The following LARS2 variants were observed in gnomAD, a reference collection of about 807,000 sequenced individuals.
LARS2 encodes the protein leucyl-tRNA synthetase 2, mitochondrial.
LARS2 carries 81 observed loss-of-function variants against 116.6 expected under a neutral mutation model. That is an observed-to-expected ratio of 0.69 (90% CI 0.58 to 0.84). LARS2 has a LOEUF of 0.84. LARS2 is among the 40% of genes least tolerant of loss of function. The pLI is 0.00. For synonymous variants in LARS2, 396 were observed against 407.2 expected (o/e 0.97, Z 0.33); for missense variants, 968 against 1,114.5 (o/e 0.87, Z 1.87).
At chr3:45,489,514 G>A (rs1266110969) in intron 12 of LARS2, among the ~76,000 whole-genome samples, 1 of 147,726 alleles carries the variant, frequency 6.8e-6, no homozygotes, top group Non-Finnish European at 1.5e-5. Flanking sequence ...CGAGTTTCCA[G>A]ATACTGCTGC....
chr3:45,442,033 A>T (rs1698921623), intron 6 of LARS2, among the ~76,000 whole-genome samples: 1 of 152,176 alleles, frequency 6.6e-6, no homozygotes, highest in Admixed American at 6.5e-5. Flanking sequence ...ATAAAAGTTG[A>T]CACTTTTATG....
intron 2 of LARS2, among the ~76,000 whole-genome samples, chr3:45,393,344 A>G (rs1697989693): frequency 6.6e-6 from 1 of 152,072 alleles, no homozygotes; most frequent in African/African-American, 2.4e-5. Flanking sequence ...TGGGAGGCCA[A>G]GGTGGGTGGA....
Position 45,531,376 on chromosome 3 carries a change from T to A in LARS2, c.2404+7268T>A, listed in dbSNP as rs572722717. 9.2e-5 allele frequency among the ~76,000 whole-genome samples: 14 copies of A among 152,222 alleles called. No individual in the cohort carries two copies. In the East Asian group the frequency reaches 1.3e-3, roughly 15 times the overall value. ...ATTTTTTAAATCTTTTAAATTTTTTTAAATTTATTTTTATTTTTTGAGGCA... is the reference window on the plus strand; with the variant it reads ...ATTTTTTAAATCTTTTAAATTTTTTAAAATTTATTTTTATTTTTTGAGGCA... On this transcript the variant is annotated intron_variant, in intron 20 of 21. Transcript: ENST00000645846.
At chr3:45,418,017 C>T (rs1698458175) in intron 5 of LARS2, among the ~76,000 whole-genome samples, 1 of 152,202 alleles carries the variant, frequency 6.6e-6, no homozygotes, top group South Asian at 2.1e-4. Context: ...CTTAGGCATT[C>T]CATGTAGAAA....
chr3:45,482,511 A>G (rs189896462), intron 10 of LARS2, among the ~76,000 whole-genome samples: 18 of 152,356 alleles, frequency 1.2e-4, no homozygotes, highest in African/African-American at 4.1e-4. Flanking sequence ...CAACTTCACA[A>G]ACATTAGTGT....
In LARS2 at chr3:45,491,637, T is replaced by TG. The variant is rs1699917457; in HGVS notation, c.1360_1361insG (p.Tyr454Ter). ...LKDWLISRQR[Y>*]WGTPIPIVHC... ...AGACTGGCTGATTTCACGGCAGCGG[T>TG]ACTGGGGCACACCAATCCCCATTGT... The change falls in exon 13 of 22, where the codon TAC becomes TGAC. Residue 454 changes from tyrosine to a stop codon, truncating the protein, a stop_gained and frameshift_variant. Coordinates refer to ENST00000645846, the MANE Select transcript of LARS2 (RefSeq NM_015340.4). LOFTEE classifies it high-confidence loss of function. 2 of 1,614,196 alleles carry TG rather than the reference T, an allele frequency of 1.2e-6. No individual in the cohort carries two copies. The highest frequency in any genetic ancestry group is 1.7e-6 in the Non-Finnish European group (2 of 1,180,034).
chr3:45,503,562 A>G (rs1400175763), intron 15 of LARS2, among the ~76,000 whole-genome samples: 4 of 152,050 alleles, frequency 2.6e-5, no homozygotes, highest in Admixed American at 2.6e-4. Context: ...TGGTTTTGCC[A>G]GCTCAAATGT....
At chr3:45,392,302 CT>C (rs749403733) in intron 2 of LARS2, among the ~76,000 whole-genome samples, 2,810 of 138,128 alleles carry the variant, frequency 0.02, 64 homozygotes, top group African/African-American at 0.062. Context: ...TCTTTTTTAT[CT>C]TTTTTTTTTT....
chr3:45,408,040 G>C (rs778287704), intron 4 of LARS2, among the ~76,000 whole-genome samples: 1 of 152,126 alleles, frequency 6.6e-6, no homozygotes, highest in East Asian at 1.9e-4. Context: ...TAAGTCTGTA[G>C]TCCCCTTTGG....
At chr3:45,503,027 T>C (rs144795568) in intron 15 of LARS2, among the ~76,000 whole-genome samples, 28 of 151,988 alleles carry the variant, frequency 1.8e-4, no homozygotes, top group African/African-American at 6.7e-4. Context: ...GCAAGGGGTG[T>C]TTTAACTGAC....
chr3:45,545,311 T>G (rs1400669755), intron 21 of LARS2, among the ~76,000 whole-genome samples: 2 of 152,206 alleles, frequency 1.3e-5, no homozygotes, highest in African/African-American at 4.8e-5. Context: ...ACCTGTGGCC[T>G]GGGCCCTGTC....
In LARS2 at chr3:45,528,628, T is replaced by C. The variant is rs146816282; in HGVS notation, c.2404+4520T>C. On this transcript the variant is annotated intron_variant, in intron 20 of 21. Transcript: ENST00000645846. ...CCCCAGCATGACTAATCTTTCTGTC[T>C]CTGTAGTTTTGCCTTTTCCAGAAAT... Among the ~76,000 whole-genome samples the C allele has an allele frequency of 4.5e-3, 687 of 152,328 alleles. 5 individuals are homozygous for C. The highest frequency in any genetic ancestry group is 0.016 in the African/African-American group (651 of 41,572).
chr3:45,530,518 CA>C (rs1052291358), intron 20 of LARS2, among the ~76,000 whole-genome samples: 5 of 146,850 alleles, frequency 3.4e-5, no homozygotes, highest in African/African-American at 1.0e-4. Flanking sequence ...GACTCCGTCT[CA>C]AAAAAAAAAC....
At chr3:45,479,600 A>G (rs974695439) in intron 10 of LARS2, among the ~76,000 whole-genome samples, 35 of 152,156 alleles carry the variant, frequency 2.3e-4, no homozygotes, top group African/African-American at 8.2e-4. Flanking sequence ...TTAAGAGAGG[A>G]AAAAAAGCAA....
intron 4 of LARS2, among the ~76,000 whole-genome samples, chr3:45,406,304 A>G (rs984165906): frequency 6.6e-5 from 10 of 152,138 alleles, no homozygotes; most frequent in Non-Finnish European, 1.2e-4. Context: ...GGAGTTTGCT[A>G]AAAAGGCAGG....
intron 7 of LARS2, among the ~76,000 whole-genome samples, chr3:45,455,956 A>G (rs1699206431): frequency 6.6e-6 from 1 of 152,082 alleles, no homozygotes; most frequent in Non-Finnish European, 1.5e-5. Context: ...TTGAATTCAT[A>G]GAAGTAGAGA....
At chr3:45,494,044 G>A (rs1044520457) in intron 13 of LARS2, among the ~76,000 whole-genome samples, 8 of 152,116 alleles carry the variant, frequency 5.3e-5, no homozygotes, top group African/African-American at 1.7e-4. Flanking sequence ...ATTTAGAGGC[G>A]CACTGTTGAG....
intron 20 of LARS2, among the ~76,000 whole-genome samples, chr3:45,533,756 C>T (rs1253630231): frequency 6.6e-6 from 1 of 152,174 alleles, no homozygotes; most frequent in Non-Finnish European, 1.5e-5. Context: ...TGGTAGTGTA[C>T]ACTGTGGTTT....
intron 6 of LARS2, among the ~76,000 whole-genome samples, chr3:45,430,646 G>A (rs1434134875): frequency 4.3e-5 from 6 of 138,436 alleles, no homozygotes; most frequent in African/African-American, 8.3e-5. Context: ...GTGCCGTGGC[G>A]CGATCTCAGC....
Sources: allele counts gnomAD v4.1 joint callset (sites outside exome capture counted in the v4.1 genomes callset), GRCh38; gene constraint gnomAD v4.1.1; transcripts MANE v1.5; gene names NCBI Gene and HGNC (gene_info 2026-07-23, HGNC 2026-07-21).